BMP2K: variants seen among roughly 807,000 people sequenced by gnomAD.
BMP2K encodes BMP2 inducible kinase.
In BMP2K, 74 loss-of-function variants were observed where a neutral mutation model predicts 116.0. The ratio of observed to expected loss-of-function variants is 0.64; its 90% CI spans 0.53 to 0.77. The LOEUF is 0.77. Ranked by LOEUF, BMP2K falls within the 30% of genes least tolerant of loss-of-function variation. The pLI is 0.00. For missense variants in BMP2K, 1,365 were observed against 1,403.6 expected, an observed-to-expected ratio of 0.97 and a Z score of 0.44; for synonymous variants, 486 against 502.5, an observed-to-expected ratio of 0.97 and a Z score of 0.44.
intron 2 of BMP2K, among the ~76,000 whole-genome samples, chr4:78,831,031 T>G (rs370554965): frequency 1.8e-4 from 27 of 152,366 alleles, no homozygotes; most frequent in African/African-American, 6.0e-4. Context: ...GCATTCCATG[T>G]GCCTTTCTCA....
intron 1 of BMP2K, among the ~76,000 whole-genome samples, chr4:78,796,454 T>A (rs62310800): frequency 0.036 from 5,429 of 151,386 alleles, 229 homozygotes; most frequent in East Asian, 0.22. Flanking sequence ...AGTTAGTGGG[T>A]GCAGCGCACC....
intron 13 of BMP2K, among the ~76,000 whole-genome samples, chr4:78,873,352 G>T (rs1174793460): frequency 1.3e-5 from 2 of 152,052 alleles, no homozygotes; most frequent in African/African-American, 4.8e-5. Flanking sequence ...AATAACTTTG[G>T]TACAAAATTT....
intron 4 of BMP2K, among the ~76,000 whole-genome samples, chr4:78,843,278 G>T (rs1560525192): frequency 2.0e-5 from 3 of 151,816 alleles, no homozygotes; most frequent in African/African-American, 7.2e-5. Flanking sequence ...TTCTCAGTGA[G>T]TCCCATCACT....
intron 15 of BMP2K, among the ~76,000 whole-genome samples, chr4:78,910,211 T>C (rs918349821): frequency 5.3e-5 from 8 of 152,226 alleles, no homozygotes; most frequent in African/African-American, 1.7e-4. Context: ...GGGAAAACTT[T>C]ACAAGAGTTG....
intron 7 of BMP2K, among the ~76,000 whole-genome samples, chr4:78,856,648 A>G (rs758973940): frequency 3.7e-4 from 56 of 152,206 alleles, no homozygotes; most frequent in Non-Finnish European, 1.9e-4. Flanking sequence ...ACCAAGTCAG[A>G]GATGGTCCAC....
Position 78,892,872 on chromosome 4 carries a change from G to A in BMP2K, c.2062+5588G>A, listed in dbSNP as rs1313548750. 2.6e-5 allele frequency among the ~76,000 whole-genome samples: 4 copies of A among 152,324 alleles called. No homozygotes were observed. The East Asian group carries it at 7.7e-4, about 29-fold the overall frequency. ...CAATCATCTGAACCTTCAGCTGGTT[G>A]TAATCTTTTTGCTGGTGGCAGGTCT... is the stretch of plus-strand genomic sequence containing the variant. On this transcript the variant is annotated intron_variant, in intron 15 of 15. Transcript: ENST00000502613.
chr4:78,823,448 TA>T (rs1282403152), intron 1 of BMP2K, among the ~76,000 whole-genome samples: 1 of 149,958 alleles, frequency 6.7e-6, no homozygotes, highest in Non-Finnish European at 1.5e-5. Context: ...GTATAACAAG[TA>T]GGGAGATTTT....
intron 7 of BMP2K, among the ~76,000 whole-genome samples, chr4:78,853,182 AT>A (rs1225863971): frequency 6.6e-6 from 1 of 152,144 alleles, no homozygotes; most frequent in Non-Finnish European, 1.5e-5. Flanking sequence ...ATTTGCATCC[AT>A]TTTATAACAC....
intron 1 of BMP2K, among the ~76,000 whole-genome samples, chr4:78,804,511 T>G (rs1439554369): frequency 6.6e-6 from 1 of 152,194 alleles, no homozygotes; most frequent in Non-Finnish European, 1.5e-5. Flanking sequence ...GGACCTACTA[T>G]ATTTTTCCAT....
In BMP2K at chr4:78,841,604, T is replaced by G. The variant is rs536680498; in HGVS notation, c.404-781T>G. Among the ~76,000 whole-genome samples, 16 of 152,266 alleles carry G rather than the reference T, an allele frequency of 1.1e-4. No homozygotes were observed. The South Asian group carries it at 3.3e-3, about 32-fold the overall frequency. On this transcript the variant is annotated intron_variant, in intron 3 of 15. Coordinates refer to ENST00000502613, the MANE Select transcript of BMP2K (RefSeq NM_198892.2). ...TTGAAAGTCAGATGAGGAAGTTTCT[T>G]TGGCTCTTGAGATAGAATTTAAAGT...
chr4:78,855,617 CA>C (rs1577929922), intron 7 of BMP2K, among the ~76,000 whole-genome samples: 1 of 152,092 alleles, frequency 6.6e-6, no homozygotes, highest in African/African-American at 2.4e-5. Context: ...TTGGAATGTG[CA>C]GGGATTTTGT....
chr4:78,787,014 A>G (rs989317568), intron 1 of BMP2K, among the ~76,000 whole-genome samples: 1 of 152,094 alleles, frequency 6.6e-6, no homozygotes, highest in East Asian at 1.9e-4. Flanking sequence ...TTGGCCTCCC[A>G]AAGTGCTGGG....
Position 78,826,021 on chromosome 4 carries a change from T to G in BMP2K, c.179-16T>G. 3 of 1,574,382 alleles carry G rather than the reference T, an allele frequency of 1.9e-6. No homozygotes were observed. In the South Asian group the frequency reaches 3.4e-5, roughly 18 times the overall value. Reference sequence around the variant, plus strand: ...TTTTTGTTTCTTTTAAATTAATTGGTGCTTTGTTTTTCTAGGTGGATTCTC... The same window carrying G: ...TTTTTGTTTCTTTTAAATTAATTGGGGCTTTGTTTTTCTAGGTGGATTCTC... On this transcript the variant is annotated splice_polypyrimidine_tract_variant and intron_variant, in intron 1 of 15. Coordinates refer to ENST00000502613, the MANE Select transcript of BMP2K (RefSeq NM_198892.2).
chr4:78,872,161 A>G (rs1339642222), intron 12 of BMP2K, among the ~76,000 whole-genome samples: 2 of 152,174 alleles, frequency 1.3e-5, no homozygotes, highest in East Asian at 3.8e-4. Context: ...CCGATAACGT[A>G]CTTCTCTTAT....
rs1734628584 is a variant in BMP2K, at chr4:78,911,766, C to T, written c.3219C>T (p.Pro1073=). The T allele has an allele frequency of 6.2e-7, 1 of 1,614,020 alleles. No homozygotes were observed. The highest frequency in any genetic ancestry group is 8.5e-7 in the Non-Finnish European group (1 of 1,179,874). ...ESLLDPFGAK[P]FHSPDLSWHP... ...TGTTGGACCCCTTCGGTGCCAAGCC[C>T]TTCCATTCTCCAGACCTGTCATGGC... The change falls in exon 16 of 16, where the codon CCC becomes CCT. Residue 1073 remains proline, a synonymous_variant. Transcript: ENST00000502613.
chr4:78,776,864 T>A, intron 1 of BMP2K, 143 bp downstream of exon 1: 1 of 827,626 alleles, frequency 1.2e-6, no homozygotes, highest in Admixed American at 4.7e-5. Flanking sequence ...TCCTAAAGAG[T>A]GGCTCGGGCT....
At chr4:78,869,325 G>A (rs901865986) in intron 10 of BMP2K, among the ~76,000 whole-genome samples, 1 of 151,874 alleles carries the variant, frequency 6.6e-6, no homozygotes, top group Non-Finnish European at 1.5e-5. Flanking sequence ...GGGGGCTGTT[G>A]TTATTAAATT....
intron 5 of BMP2K, 32 bp from the exon 6 acceptor site, chr4:78,847,156 A>ATC (rs758195281): frequency 2.6e-6 from 3 of 1,175,600 alleles, no homozygotes; most frequent in South Asian, 2.0e-5. Flanking sequence ...ATATATATAT[A>ATC]TCTCCACTCC....
rs78245127 is a variant in BMP2K, at chr4:78,826,693, G to A, written c.297+538G>A. On this transcript the variant is annotated intron_variant, in intron 2 of 15. Coordinates refer to ENST00000502613, the MANE Select transcript of BMP2K (RefSeq NM_198892.2). ...CAGATGCTCAAATCTGAGAATGCTCGAGGCCCGTATGTAAAATGTAGTATT... is the reference window on the plus strand; with the variant it reads ...CAGATGCTCAAATCTGAGAATGCTCAAGGCCCGTATGTAAAATGTAGTATT... Among the ~76,000 whole-genome samples, 213 of 152,186 alleles carry A rather than the reference G, an allele frequency of 1.4e-3. 1 individual carries two copies. The highest frequency in any genetic ancestry group is 4.9e-3 in the African/African-American group (203 of 41,524).
Sources: gnomAD v4.1 joint callset for allele counts (sites outside exome capture counted in the v4.1 genomes callset) on GRCh38, gnomAD v4.1.1 for gene constraint, MANE v1.5 for transcripts, NCBI Gene and HGNC (gene_info 2026-07-23, HGNC 2026-07-21) for gene names.